Variants in EGFR observed in about 807,000 individuals in gnomAD.
EGFR encodes epidermal growth factor receptor, also known as avian erythroblastic leukemia viral (v-erb-b) oncogene homolog.
In EGFR, 58 loss-of-function variants were observed where a neutral mutation model predicts 143.0. The observed-to-expected ratio is 0.41, with a 90% CI of 0.33 to 0.50. EGFR has a LOEUF of 0.50. Among genes scored for constraint, EGFR ranks in the 20% least tolerant of loss-of-function variants. EGFR has a pLI of 0.39. For missense variants in EGFR, 1,307 were observed against 1,579.0 expected (o/e 0.83, Z 2.92); for synonymous variants, 613 against 594.4 (o/e 1.03, Z -0.45).
intron 1 of EGFR, among the ~76,000 whole-genome samples, chr7:55,027,385 A>C (rs1340415906): frequency 6.6e-6 from 1 of 152,194 alleles, no homozygotes; most frequent in Non-Finnish European, 1.5e-5. Flanking sequence ...CCTTCAGCAA[A>C]ACCCTCAGTT....
In EGFR at chr7:55,173,917, C is replaced by G. The variant is rs199867889; in HGVS notation, c.2062-4C>G. On this transcript the variant is annotated splice_region_variant and splice_polypyrimidine_tract_variant and intron_variant, in intron 17 of 27. Coordinates refer to ENST00000275493, the MANE Select transcript of EGFR (RefSeq NM_005228.5). ...CCTTGTCTCTGTGTTCTTGTCCCCC[C>G]CAGCTTGTGGAGCCTCTTACACCCA... 1 of 1,614,242 alleles carries G rather than the reference C, an allele frequency of 6.2e-7. No homozygotes were observed. Among genetic ancestry groups the G allele is most frequent in the Non-Finnish European group, 8.5e-7 (1 of 1,180,048 alleles).
intron 1 of EGFR, among the ~76,000 whole-genome samples, chr7:55,084,226 T>A (rs931824919): frequency 6.6e-6 from 1 of 152,218 alleles, no homozygotes; most frequent in Admixed American, 6.5e-5. Context: ...TGTTTTCATC[T>A]GGAGCTCCAG....
chr7:55,155,686 C>A, intron 7 of EGFR, 144 bp from the exon 8 acceptor site: 3 of 762,326 alleles, frequency 3.9e-6, no homozygotes, highest in Non-Finnish European at 7.2e-6. Flanking sequence ...TATTTGCAAC[C>A]TTTCATTCTT....
At chr7:55,146,282 C>T (rs11979536) in intron 3 of EGFR, among the ~76,000 whole-genome samples, 49 of 152,248 alleles carry the variant, frequency 3.2e-4, no homozygotes, top group African/African-American at 1.1e-3. Flanking sequence ...TCCAGCCAAT[C>T]AGCCCCTTGG....
rs114064817 is a variant in EGFR at position 55,074,095 on chromosome 7, G to A, written c.88+54730G>A. ...ACGGCTCATTCACCACATCTGCCTC[G>A]CGAAGGCTAAGCCATGTGCTGTTAC... On this transcript the variant is annotated intron_variant, in intron 1 of 27. Coordinates refer to ENST00000275493, the MANE Select transcript of EGFR (RefSeq NM_005228.5). 4.6e-3 allele frequency among the ~76,000 whole-genome samples: 694 copies of A among 152,288 alleles called. 7 individuals are homozygous for A. Among genetic ancestry groups the A allele is most frequent in the African/African-American group, 0.016 (646 of 41,542 alleles).
At chr7:55,029,965 C>T (rs1343102843) in intron 1 of EGFR, among the ~76,000 whole-genome samples, 3 of 152,220 alleles carry the variant, frequency 2.0e-5, no homozygotes, top group Admixed American at 1.3e-4. Flanking sequence ...CAACACCTCG[C>T]ATTTGTACAG....
intron 1 of EGFR, among the ~76,000 whole-genome samples, chr7:55,129,914 AG>A (rs1286547185): frequency 2.0e-5 from 3 of 152,214 alleles, no homozygotes; most frequent in African/African-American, 7.2e-5. Flanking sequence ...GGGCTGGCAA[AG>A]CACAACCTGT....
At chr7:55,139,478 C>T (rs1156870531) in intron 1 of EGFR, among the ~76,000 whole-genome samples, 3 of 152,174 alleles carry the variant, frequency 2.0e-5, no homozygotes, top group Non-Finnish European at 4.4e-5. Flanking sequence ...TTGTGATCCT[C>T]ATCCTAGATT....
rs1404284372 is a variant in EGFR at position 55,210,065 on chromosome 7, C to T, written c.*4448C>T. The T allele has an allele frequency of 1.3e-5, 2 of 152,072 alleles. No individual in the cohort carries two copies. Among genetic ancestry groups the T allele is most frequent in the Non-Finnish European group, 2.9e-5 (2 of 68,014 alleles). 9.4% of individuals were successfully genotyped at this position (152,072 alleles called of 1,614,324 possible). A position where few individuals can be genotyped will look rare whatever the true frequency, so the allele number is the denominator to read the frequency against. ...AAAGCACATTTAGCTTGGTCTGAGG[C>T]AGGTTCTGTTGGGGCAGTGTTAATG... On this transcript the variant is annotated 3_prime_UTR_variant, in exon 28 of 28. Coordinates refer to ENST00000275493, the MANE Select transcript of EGFR (RefSeq NM_005228.5).
chr7:55,095,767 C>T lies in EGFR; in HGVS notation c.89-46519C>T, dbSNP rs369754164. Among the ~76,000 whole-genome samples the T allele has an allele frequency of 1.4e-3, 211 of 150,082 alleles. 1 individual carries two copies. Among genetic ancestry groups the T allele is most frequent in the African/African-American group, 5.0e-3 (202 of 40,704 alleles). On this transcript the variant is annotated intron_variant, in intron 1 of 27. Coordinates refer to ENST00000275493, the MANE Select transcript of EGFR (RefSeq NM_005228.5). Reference sequence around the variant, plus strand: ...AGACATACGCACAGATGGGCACACACAGAGACACACTCACAGAGACACACA... The same window carrying T: ...AGACATACGCACAGATGGGCACACATAGAGACACACTCACAGAGACACACA...
intron 1 of EGFR, among the ~76,000 whole-genome samples, chr7:55,099,970 G>C (rs190048998): frequency 5.5e-4 from 84 of 152,326 alleles, no homozygotes; most frequent in African/African-American, 2.0e-3. Context: ...AATACAAGGG[G>C]GGCTGCATCT....
At chr7:55,127,780 C>A (rs1318238558) in intron 1 of EGFR, among the ~76,000 whole-genome samples, 1 of 152,114 alleles carries the variant, frequency 6.6e-6, no homozygotes, top group Non-Finnish European at 1.5e-5. Context: ...TGGTTACTGG[C>A]CTCAATAACC....
At chr7:55,040,702 C>G (rs1787849511) in intron 1 of EGFR, among the ~76,000 whole-genome samples, 2 of 152,040 alleles carry the variant, frequency 1.3e-5, no homozygotes, top group Non-Finnish European at 2.9e-5. Context: ...TGCCTTTTTC[C>G]CAGAAAATCT....
At chr7:55,170,953 T>C (rs906930165) in intron 15 of EGFR, 34 of 1,438,102 alleles carry the variant, frequency 2.4e-5, no homozygotes, top group Non-Finnish European at 2.9e-5. Context: ...GAACAACGCC[T>C]GTCACAGAGT....
Position 55,156,802 on chromosome 7 carries a change from G to C in EGFR, c.1177G>C (p.Asp393His), listed in dbSNP as rs587778246. The change falls in exon 10 of 28, where the codon GAT becomes CAT. Residue 393 changes from aspartate to histidine, a missense_variant. This residue lies in a region of EGFR where 250 missense variants were observed against 295.1 expected (regional missense o/e 0.85). Transcript: ENST00000275493. ...TCCTCCTCTGGATCCACAGGAACTG[G>C]ATATTCTGAAAACCGTAAAGGAAAT... The part of the protein sequence containing the change: ...HTPPLDPQEL[D>H]ILKTVKEITG... 1.9e-6 allele frequency: 3 copies of C among 1,614,210 alleles called. No homozygotes were observed. In the Admixed American group the frequency reaches 5.0e-5, roughly 27 times the overall value.
Position 55,102,968 on chromosome 7 carries a change from C to T in EGFR, c.89-39318C>T, listed in dbSNP as rs112086504. ...TTCAGACAATGTAATAAGAAGGCCA[C>T]GTGCTTTGACTTCTGTAGATTTTAA... is the stretch of plus-strand genomic sequence containing the variant. On this transcript the variant is annotated intron_variant, in intron 1 of 27. Transcript: ENST00000275493. Among the ~76,000 whole-genome samples the T allele has an allele frequency of 2.5e-3, 381 of 152,294 alleles. 2 individuals are homozygous for T. The highest frequency in any genetic ancestry group is 8.6e-3 in the African/African-American group (357 of 41,552).
At chr7:55,111,659 T>A (rs1170319727) in intron 1 of EGFR, among the ~76,000 whole-genome samples, 1 of 152,026 alleles carries the variant, frequency 6.6e-6, no homozygotes, top group Non-Finnish European at 1.5e-5. Flanking sequence ...CTCAGTTAAG[T>A]GAGCTAAGAT....
Position 55,152,785 on chromosome 7 carries a change from A to G in EGFR, c.747+121A>G. 4 of 792,504 alleles carry G rather than the reference A, an allele frequency of 5.0e-6. No individual in the cohort carries two copies. In the South Asian group the frequency reaches 6.6e-5, roughly 13 times the overall value. 49.1% of individuals were successfully genotyped at this position (792,504 alleles called of 1,614,324 possible). ...ATTAGCATTTGTCATAACAGACAGG[A>G]TATTGCCCTCTGCCTGGTGACAAAG... On this transcript the variant is annotated intron_variant, in intron 6 of 27. Transcript: ENST00000275493.
intron 1 of EGFR, among the ~76,000 whole-genome samples, chr7:55,043,463 A>G (rs899977468): frequency 1.4e-4 from 21 of 152,150 alleles, no homozygotes; most frequent in African/African-American, 5.1e-4. Flanking sequence ...GGTTCAAGCA[A>G]TTCTTATGCC....
Sources: allele counts gnomAD v4.1 joint callset (sites outside exome capture counted in the v4.1 genomes callset), GRCh38; gene constraint gnomAD v4.1.1; regional missense constraint gnomAD v4.1.1; transcripts MANE v1.5; gene names NCBI Gene and HGNC (gene_info 2026-07-23, HGNC 2026-07-21).